Variants in TBC1D8 observed in about 807,000 individuals in gnomAD.
TBC1D8 encodes TBC1 domain family member 8.
Under a neutral mutation model 118.8 loss-of-function variants are expected in TBC1D8, and 65 were observed. The ratio of observed to expected loss-of-function variants is 0.55; its 90% CI spans 0.45 to 0.67. TBC1D8 has a LOEUF of 0.67. TBC1D8 is among the 30% of genes least tolerant of loss of function. TBC1D8 has a pLI of 0.00. For missense variants in TBC1D8, 1,376 were observed against 1,471.2 expected, an observed-to-expected ratio of 0.94 and a Z score of 1.06; for synonymous variants, 566 against 595.8, an observed-to-expected ratio of 0.95 and a Z score of 0.73.
At chr2:101,067,012 G>GA (rs1290139227) in intron 2 of TBC1D8, among the ~76,000 whole-genome samples, 3 of 150,058 alleles carry the variant, frequency 2.0e-5, no homozygotes, top group Non-Finnish European at 2.9e-5. Context: ...TTAAGTGTGC[G>GA]ATTGCATTAT....
chr2:101,012,027 TA>T (rs1679254520), intron 17 of TBC1D8, among the ~76,000 whole-genome samples: 1 of 152,162 alleles, frequency 6.6e-6, no homozygotes, highest in Non-Finnish European at 1.5e-5. Flanking sequence ...AGAAAAGCCT[TA>T]GTGAATTCAA....
chr2:101,109,822 A>G (rs1422258952), intron 1 of TBC1D8: 1 of 985,294 alleles, frequency 1.0e-6, no homozygotes, highest in African/African-American at 1.7e-5. Context: ...AAAATACTAC[A>G]TCATTTACAA....
chr2:101,064,568 CAA>C (rs1039078056), intron 2 of TBC1D8, among the ~76,000 whole-genome samples: 1 of 151,664 alleles, frequency 6.6e-6, no homozygotes, highest in Non-Finnish European at 1.5e-5. Context: ...TCCAATTTTT[CAA>C]AAAAAGACTT....
chr2:101,011,106 G>C (rs1679176778), intron 18 of TBC1D8, 80 bp from the exon 19 acceptor site: 11 of 1,333,746 alleles, frequency 8.2e-6, no homozygotes, highest in Non-Finnish European at 9.5e-6. Context: ...TAGGAGAGAG[G>C]AGCAAGGGGG....
rs746474088 is a variant in TBC1D8 at position 101,096,994 on chromosome 2, T to C, written c.128-6630A>G. ...CAGATCGAAAAAGAACAGAGAACAC[T>C]AAGCAAAATAAATGTCAAAAAAAAT... is the stretch of plus-strand genomic sequence containing the variant. On this transcript the variant is annotated intron_variant, in intron 1 of 19. Transcript: ENST00000409318. 9.2e-5 allele frequency among the ~76,000 whole-genome samples: 14 copies of C among 151,990 alleles called. No homozygotes were observed. In the Middle Eastern group the frequency reaches 0.017, roughly 185 times the overall value.
In TBC1D8 at chr2:101,022,430, AT is replaced by A; in HGVS notation, c.2611del (p.Ile871Ter). 6.2e-7 allele frequency: 1 copy of A among 1,613,326 alleles called. No individual in the cohort carries two copies. The highest frequency in any genetic ancestry group is 8.5e-7 in the Non-Finnish European group (1 of 1,179,636). ...CAGGTGTGCAAACTGCCGGGCATCT[AT>A]GCGGTACTGCTCAGCATAGGGCCGG... ...PSRPYAEQYR[I>X]DARQFAHLFQ... On this transcript the variant is annotated frameshift_variant, in exon 16 of 20. Transcript: ENST00000409318. LOFTEE classifies it high-confidence loss of function.
chr2:101,134,091 C>T (rs1168441028), intron 1 of TBC1D8, among the ~76,000 whole-genome samples: 1 of 151,912 alleles, frequency 6.6e-6, no homozygotes, highest in African/African-American at 2.4e-5. Context: ...AGAGCCAAAC[C>T]CTATCAGGGT....
intron 1 of TBC1D8, among the ~76,000 whole-genome samples, chr2:101,105,348 A>C (rs1167415760): frequency 6.6e-6 from 1 of 152,172 alleles, no homozygotes; most frequent in Admixed American, 6.6e-5. Context: ...ATCTCACCAC[A>C]GAAGATATAC....
intron 1 of TBC1D8, among the ~76,000 whole-genome samples, chr2:101,131,962 C>CCTATATAA (rs1678613782): frequency 3.3e-5 from 5 of 152,160 alleles, no homozygotes; most frequent in African/African-American, 1.2e-4. Context: ...GTATATTTTA[C>CCTATATAA]ATCTTGTTAA....
chr2:101,027,368 C>T lies in TBC1D8; in HGVS notation c.2520+15G>A. On this transcript the variant is annotated intron_variant, in intron 15 of 19. Transcript: ENST00000409318. ...CTCAGGGCCTGGAACCCCTCATCTT[C>T]CCAGAGCTGCGTACCTTGAATAAGT... 6.2e-7 allele frequency: 1 copy of T among 1,612,310 alleles called. No homozygotes were observed. Among genetic ancestry groups the T allele is most frequent in the African/African-American group, 1.3e-5 (1 of 75,002 alleles).
chr2:101,045,757 G>A (rs1681662372), intron 5 of TBC1D8, among the ~76,000 whole-genome samples: 1 of 152,154 alleles, frequency 6.6e-6, no homozygotes, highest in Admixed American at 6.5e-5. Flanking sequence ...GCTTTGGGAG[G>A]CCGAGGCGAG....
rs777877202 is a variant in TBC1D8 at position 101,090,255 on chromosome 2, A to G, written c.237T>C (p.Cys79=). The change falls in exon 2 of 20, where the codon TGT becomes TGC. Residue 79 remains cysteine (C), a synonymous_variant. Transcript: ENST00000409318. ...CGTCTGATCCATTCAGTAACTCACC[A>G]CATGCTATGGGAGAATAAACCTGGG... ...PGSQVYSPIA[C]GELLNGSDVY... The G allele has an allele frequency of 1.9e-6, 3 of 1,613,892 alleles. No homozygotes were observed. In the African/African-American group the frequency reaches 4.0e-5, roughly 22 times the overall value.
chr2:101,122,717 TTTGAG>T (rs1334140789), intron 1 of TBC1D8, among the ~76,000 whole-genome samples: 1 of 152,160 alleles, frequency 6.6e-6, no homozygotes, highest in African/African-American at 2.4e-5. Flanking sequence ...TCATAGACTA[TTTGAG>T]TTTTCAATTA....
At position 101,021,711 on chromosome 2, in the gene TBC1D8, T is replaced by C. The variant is rs771709884; in HGVS notation, c.2797A>G (p.Lys933Glu). The C allele has an allele frequency of 2.5e-6, 4 of 1,599,886 alleles. No individual in the cohort carries two copies. The highest frequency in any genetic ancestry group is 2.2e-5 in the South Asian group (2 of 88,892). The change falls in exon 17 of 20, where the codon AAA (lysine) becomes GAA (glutamate). Residue 933 changes from lysine to glutamate, a missense_variant. Lys to Glu is a moderately conservative substitution (Grantham distance 56, BLOSUM62 1). Coordinates refer to ENST00000409318, the MANE Select transcript of TBC1D8 (RefSeq NM_001330348.2). ...MYNGEMNEKI[K>E]LLYRLHIPPA... ...GGGATATGAAGCCTGTATAATAGTT[T>C]AATCTTCTCATTCATTTCTCCATTA...
intron 2 of TBC1D8, among the ~76,000 whole-genome samples, chr2:101,073,529 C>T (rs1272327039): frequency 6.6e-6 from 1 of 152,064 alleles, no homozygotes. Context: ...CTCCTGACCT[C>T]GTGATCCGCC....
intron 2 of TBC1D8, among the ~76,000 whole-genome samples, chr2:101,084,545 T>G (rs890127866): frequency 6.6e-6 from 1 of 151,928 alleles, no homozygotes; most frequent in Non-Finnish European, 1.5e-5. Flanking sequence ...AGTGAGACTC[T>G]GTCTCAAAAA....
intron 1 of TBC1D8, among the ~76,000 whole-genome samples, chr2:101,110,409 C>T (rs145293394): frequency 3.3e-5 from 5 of 152,298 alleles, no homozygotes; most frequent in East Asian, 3.9e-4. Context: ...CCCTCTTCCC[C>T]GCCCCACTCC....
intron 1 of TBC1D8, among the ~76,000 whole-genome samples, chr2:101,138,368 C>A (rs1369233363): frequency 2.6e-5 from 4 of 152,208 alleles, no homozygotes; most frequent in Admixed American, 2.6e-4. Context: ...TTTTCCCATA[C>A]CAACCAATTC....
At chr2:101,092,608 T>C (rs757016325) in intron 1 of TBC1D8, among the ~76,000 whole-genome samples, 7 of 152,294 alleles carry the variant, frequency 4.6e-5, no homozygotes, top group African/African-American at 1.7e-4. Context: ...TTTGATGCTC[T>C]GATTGTCCCA....
Sources: gnomAD v4.1 joint callset for allele counts (sites outside exome capture counted in the v4.1 genomes callset) on GRCh38, gnomAD v4.1.1 for gene constraint, MANE v1.5 for transcripts, NCBI Gene and HGNC (gene_info 2026-07-23, HGNC 2026-07-21) for gene names.